Variants in NUP98 observed in about 807,000 individuals in gnomAD.
The protein encoded by NUP98 is nuclear pore complex protein Nup98-Nup96.
A neutral mutation model predicts 191.9 loss-of-function variants in NUP98; 26 were observed. The observed-to-expected ratio is 0.14, with a 90% confidence interval of 0.10 to 0.19. NUP98 has a LOEUF of 0.19. Among genes scored for constraint, NUP98 ranks in the 10% least tolerant of loss-of-function variants. NUP98 has a pLI of 1.00. For missense variants in NUP98, 1,941 were observed against 2,178.8 expected (o/e 0.89, Z 2.17); for synonymous variants, 808 against 778.4 (o/e 1.04, Z -0.63).
chr11:3,757,019 C>T (rs546685872), intron 10 of NUP98, among the ~76,000 whole-genome samples: 32 of 151,304 alleles, frequency 2.1e-4, no homozygotes, highest in East Asian at 1.4e-3. Context: ...ACCCGGGAAG[C>T]GGAGCTTGCA....
chr11:3,735,872 A>G (rs1252581363), intron 12 of NUP98, among the ~76,000 whole-genome samples: 1 of 149,800 alleles, frequency 6.7e-6, no homozygotes, highest in Non-Finnish European at 1.5e-5. Flanking sequence ...TAATTGTCCA[A>G]AGGAAATAAT....
At chr11:3,685,666 A>T (rs2078113109) in intron 29 of NUP98, among the ~76,000 whole-genome samples, 1 of 152,116 alleles carries the variant, frequency 6.6e-6, no homozygotes, top group Admixed American at 6.6e-5. Flanking sequence ...TTCGACTCTT[A>T]CCTCTATGAA....
At chr11:3,788,721 C>T (rs930462919) in intron 1 of NUP98, among the ~76,000 whole-genome samples, 26 of 152,096 alleles carry the variant, frequency 1.7e-4, no homozygotes, top group Non-Finnish European at 3.1e-4. Flanking sequence ...CCAAAGTGGG[C>T]GGATCACCTG....
At position 3,695,504 on chromosome 11, in the gene NUP98, T is replaced by A; in HGVS notation, c.4112A>T (p.Asp1371Val). The A allele has an allele frequency of 2.5e-6, 4 of 1,609,174 alleles. No homozygotes were observed. The highest frequency in any genetic ancestry group is 3.4e-6 in the Non-Finnish European group (4 of 1,177,618). Reference protein sequence around the residue: ...QLVDWHQLQADSFIQDERLRI... With the variant: ...QLVDWHQLQAVSFIQDERLRI... The stretch of plus-strand genomic sequence containing the variant: ...CAGTCTCTCATCCTGGATGAAGGAG[T>A]CTGCTTGGAGCTGATGCCAGTCCAC... Residue 1371 changes from aspartate to valine, a missense_variant, in exon 26 of 33, where the codon GAC becomes GTC. Physicochemically the swap from Asp to Val is radical, Grantham distance 152 (BLOSUM62 -3). Transcript: ENST00000324932.
At chr11:3,776,660 A>G (rs1437744677) in intron 4 of NUP98, among the ~76,000 whole-genome samples, 1 of 140,826 alleles carries the variant, frequency 7.1e-6, no homozygotes. Context: ...AATTTTTTGT[A>G]TTTTTTTTTT....
intron 6 of NUP98, among the ~76,000 whole-genome samples, chr11:3,772,839 G>A (rs1223261759): frequency 6.6e-6 from 1 of 151,408 alleles, no homozygotes; most frequent in African/African-American, 2.4e-5. Flanking sequence ...TTAGCTGTGT[G>A]TGGTGGCCCA....
chr11:3,727,402 A>G (rs2079660983), intron 14 of NUP98, among the ~76,000 whole-genome samples: 1 of 152,236 alleles, frequency 6.6e-6, no homozygotes, highest in African/African-American at 2.4e-5. Flanking sequence ...TTACAAAGTT[A>G]ATCCTACAAG....
chr11:3,708,194 CTTAT>C (rs1398317015), intron 20 of NUP98, among the ~76,000 whole-genome samples: 1 of 152,154 alleles, frequency 6.6e-6, no homozygotes, highest in Non-Finnish European at 1.5e-5. Flanking sequence ...AAGTTCAACA[CTTAT>C]TTATTTCGTT....
At chr11:3,777,045 T>C (rs1196868771) in intron 4 of NUP98, among the ~76,000 whole-genome samples, 2 of 152,338 alleles carry the variant, frequency 1.3e-5, no homozygotes, top group East Asian at 3.9e-4. Flanking sequence ...CAGTACATTT[T>C]ATTTACATAC....
intron 10 of NUP98, among the ~76,000 whole-genome samples, chr11:3,757,635 C>G (rs900786609): frequency 1.3e-5 from 2 of 148,300 alleles, no homozygotes; most frequent in Non-Finnish European, 3.0e-5. Flanking sequence ...CCTGTTTCTA[C>G]TAAAAATACA....
intron 26 of NUP98, among the ~76,000 whole-genome samples, chr11:3,695,076 T>C (rs1251138274): frequency 3.9e-5 from 6 of 152,128 alleles, no homozygotes; most frequent in Admixed American, 2.6e-4. Flanking sequence ...GGTGAGAGGA[T>C]CACTTGAACT....
At position 3,746,651 on chromosome 11, in the gene NUP98, G is replaced by T. The variant is rs185211123; in HGVS notation, c.1268-2002C>A. Among the ~76,000 whole-genome samples, 18 of 151,892 alleles carry T rather than the reference G, an allele frequency of 1.2e-4. No individual in the cohort carries two copies. The East Asian group carries it at 3.5e-3, about 29-fold the overall frequency. ...CTGTGGGCTGGGCGCGGTGGCTCAC[G>T]CCTGTAATCCTAGCACTGTGGGAAG... On this transcript the variant is annotated intron_variant, in intron 11 of 32. Transcript: ENST00000324932.
chr11:3,703,026 A>C (rs545575498), intron 22 of NUP98, 134 bp from the exon 23 acceptor site: 362 of 735,502 alleles, frequency 4.9e-4, no homozygotes, highest in Non-Finnish European at 6.6e-4. Flanking sequence ...GATGTGGATG[A>C]CCAGAAGCAG....
chr11:3,701,017 GA>G (rs933222674), intron 23 of NUP98, among the ~76,000 whole-genome samples, 178 bp from the exon 24 acceptor site: 3 of 151,926 alleles, frequency 2.0e-5, no homozygotes, highest in East Asian at 1.9e-4. Context: ...ATATACTGGG[GA>G]AAAAAAATCA....
At chr11:3,776,788 G>C (rs276890) in intron 4 of NUP98, among the ~76,000 whole-genome samples, 1 of 74,842 alleles carries the variant, frequency 1.3e-5, no homozygotes, top group Non-Finnish European at 3.3e-5. Context: ...CACAGTGCCC[G>C]GCCCAAATAG....
At chr11:3,748,548 A>T (rs1433026438) in intron 11 of NUP98, among the ~76,000 whole-genome samples, 3 of 152,162 alleles carry the variant, frequency 2.0e-5, no homozygotes, top group Non-Finnish European at 4.4e-5. Flanking sequence ...GTGGCCCAGC[A>T]CAGTGGCTTA....
At chr11:3,677,872 T>A (rs1309150461) in intron 31 of NUP98, among the ~76,000 whole-genome samples, 1 of 152,146 alleles carries the variant, frequency 6.6e-6, no homozygotes, top group Admixed American at 6.5e-5. Flanking sequence ...AGTTGGAACT[T>A]TGATGAGGAT....
At chr11:3,682,962 A>G (rs904209317) in intron 30 of NUP98, among the ~76,000 whole-genome samples, 1 of 152,040 alleles carries the variant, frequency 6.6e-6, no homozygotes, top group Non-Finnish European at 1.5e-5. Flanking sequence ...AATAATAATA[A>G]TATTAGCACA....
intron 29 of NUP98, 138 bp from the exon 30 acceptor site, chr11:3,683,579 C>T: frequency 1.1e-6 from 1 of 917,842 alleles, no homozygotes; most frequent in Non-Finnish European, 1.6e-6. Flanking sequence ...ACTCTTGTTG[C>T]CCAGGCTGGA....
Sources: gnomAD v4.1 joint callset for allele counts (sites outside exome capture counted in the v4.1 genomes callset) on GRCh38, gnomAD v4.1.1 for gene constraint, MANE v1.5 for transcripts, NCBI Gene and HGNC (gene_info 2026-07-23, HGNC 2026-07-21) for gene names.